Variants in DLG2 observed in about 807,000 individuals in gnomAD.
The protein encoded by DLG2 is disks large homolog 2.
DLG2 carries 45 observed loss-of-function variants against 132.5 expected under a neutral mutation model. The ratio of observed to expected loss-of-function variants is 0.34; its 90% CI spans 0.27 to 0.44. DLG2 has a LOEUF of 0.44. Among genes scored for constraint, DLG2 ranks in the 20% least tolerant of loss-of-function variants. The pLI is 1.00. For synonymous variants in DLG2, 424 were observed against 419.6 expected (o/e 1.01, Z -0.13); for missense variants, 1,045 against 1,196.9 (o/e 0.87, Z 1.87).
intron 6 of DLG2, among the ~76,000 whole-genome samples, chr11:85,037,507 G>T (rs959681217): frequency 2.0e-5 from 3 of 152,136 alleles, no homozygotes; most frequent in African/African-American, 4.8e-5. Context: ...ATAAATATGA[G>T]CATATCCTCA....
chr11:83,480,799 G>A, intron 22 of DLG2: 2 of 583,442 alleles, frequency 3.4e-6, no homozygotes, highest in Middle Eastern at 4.5e-4. Context: ...GACGCTTCTG[G>A]TGTGTAGGCA....
At chr11:84,768,304 T>C (rs1172155348) in intron 6 of DLG2, among the ~76,000 whole-genome samples, 7 of 152,332 alleles carry the variant, frequency 4.6e-5, no homozygotes, top group African/African-American at 9.6e-5. Context: ...TATGCTTATT[T>C]TGAGTCATTT....
chr11:84,614,265 G>T (rs917176259), intron 6 of DLG2, among the ~76,000 whole-genome samples: 10 of 152,160 alleles, frequency 6.6e-5, no homozygotes, highest in Admixed American at 1.3e-4. Flanking sequence ...TTGGGAAAAT[G>T]AGTATCTTTA....
rs536963551 is a variant in DLG2, at chr11:83,917,270, C to T, written c.1496+13058G>A. ...GTTTCTTTTCAATCTTCTAAGTTTGCTGAATAGTTTTTGTTTTATTACCTT... is the reference window on the plus strand; with the variant it reads ...GTTTCTTTTCAATCTTCTAAGTTTGTTGAATAGTTTTTGTTTTATTACCTT... On this transcript the variant is annotated intron_variant, in intron 15 of 27. Coordinates refer to ENST00000376104, the MANE Select transcript of DLG2 (RefSeq NM_001142699.3). 2.5e-4 allele frequency among the ~76,000 whole-genome samples: 38 copies of T among 152,182 alleles called. 1 individual carries two copies. Among genetic ancestry groups the T allele is most frequent in the Admixed American group, 2.2e-3 (33 of 15,286 alleles).
intron 10 of DLG2, among the ~76,000 whole-genome samples, chr11:84,077,352 G>A (rs965494637): frequency 1.1e-4 from 17 of 152,148 alleles, no homozygotes; most frequent in Non-Finnish European, 2.4e-4. Context: ...CAAATCTAAT[G>A]AGATCTCGTT....
At chr11:83,752,803 G>T (rs776146669) in intron 18 of DLG2, among the ~76,000 whole-genome samples, 2 of 152,156 alleles carry the variant, frequency 1.3e-5, no homozygotes, top group Non-Finnish European at 2.9e-5. Flanking sequence ...ATATGAGAAC[G>T]AAGAAGGCAT....
Position 85,186,570 on chromosome 11 carries a change from C to T in DLG2, c.187-31919G>A, listed in dbSNP as rs564447171. On this transcript the variant is annotated intron_variant, in intron 4 of 27. Transcript: ENST00000376104. The stretch of plus-strand genomic sequence containing the variant: ...TGTATTTATAGAATGACCCAATTTA[C>T]CTTTATGGAACTTTTAACAGTTTGT... Among the ~76,000 whole-genome samples the T allele has an allele frequency of 4.6e-5, 7 of 152,124 alleles. No homozygotes were observed. In the East Asian group the frequency reaches 1.2e-3, roughly 25 times the overall value.
intron 18 of DLG2, among the ~76,000 whole-genome samples, chr11:83,680,623 A>G (rs2078619029): frequency 6.6e-6 from 1 of 152,214 alleles, no homozygotes; most frequent in African/African-American, 2.4e-5. Flanking sequence ...GCCAACCACA[A>G]TACATCACTC....
intron 19 of DLG2, among the ~76,000 whole-genome samples, chr11:83,595,138 A>C (rs1203050421): frequency 2.6e-5 from 4 of 152,210 alleles, no homozygotes; most frequent in South Asian, 2.1e-4. Context: ...GGGAAAAAAA[A>C]ACCACTTCTT....
At chr11:85,372,713 T>C (rs1416549307) in intron 3 of DLG2, among the ~76,000 whole-genome samples, 1 of 152,242 alleles carries the variant, frequency 6.6e-6, no homozygotes, top group Non-Finnish European at 1.5e-5. Flanking sequence ...ATTCCTATTC[T>C]CTAGGCCCTC....
chr11:85,404,007 C>A (rs561091300), intron 3 of DLG2, among the ~76,000 whole-genome samples: 1 of 152,120 alleles, frequency 6.6e-6, no homozygotes, highest in East Asian at 1.9e-4. Flanking sequence ...CTAACTTGCA[C>A]ATTTTAAGTT....
At chr11:85,073,467 C>T (rs908354809) in intron 6 of DLG2, among the ~76,000 whole-genome samples, 1 of 151,714 alleles carries the variant, frequency 6.6e-6, no homozygotes, top group Admixed American at 6.6e-5. Flanking sequence ...TAAATTCAGG[C>T]AAAACTCTTA....
intron 6 of DLG2, among the ~76,000 whole-genome samples, chr11:84,730,648 T>C (rs781097946): frequency 1.3e-5 from 2 of 152,048 alleles, no homozygotes; most frequent in African/African-American, 2.4e-5. Flanking sequence ...TCATTTTAAA[T>C]GGCTTTATAT....
At chr11:84,091,514 C>A (rs1249127274) in intron 10 of DLG2, among the ~76,000 whole-genome samples, 4 of 152,164 alleles carry the variant, frequency 2.6e-5, no homozygotes, top group African/African-American at 7.2e-5. Context: ...AATCATGAGG[C>A]CTGATCAGTG....
At chr11:84,790,260 CT>C (rs2073617016) in intron 6 of DLG2, among the ~76,000 whole-genome samples, 1 of 152,060 alleles carries the variant, frequency 6.6e-6, no homozygotes, top group African/African-American at 2.4e-5. Flanking sequence ...TATTGCCTGC[CT>C]TTTGGATAAA....
chr11:84,155,895 G>A (rs796212354), intron 9 of DLG2, among the ~76,000 whole-genome samples: 1 of 152,082 alleles, frequency 6.6e-6, no homozygotes, highest in African/African-American at 2.4e-5. Flanking sequence ...AAGAGCCTCT[G>A]GAGAAATTTT....
chr11:83,967,533 C>G (rs1256668806), intron 12 of DLG2, among the ~76,000 whole-genome samples: 1 of 152,086 alleles, frequency 6.6e-6, no homozygotes, highest in African/African-American at 2.4e-5. Context: ...TTTGCATCTT[C>G]TTTGGAGAAA....
rs1263534634 is a variant in DLG2 at position 84,880,549 on chromosome 11, T to A, written c.357+231112A>T. On this transcript the variant is annotated intron_variant, in intron 6 of 27. Coordinates refer to ENST00000376104, the MANE Select transcript of DLG2 (RefSeq NM_001142699.3). Reference sequence around the variant, plus strand: ...ATAAAATAATTAAAAGATAAATATATGGCCTTGCAGATGCTTATGCTACAG... The same window carrying A: ...ATAAAATAATTAAAAGATAAATATAAGGCCTTGCAGATGCTTATGCTACAG... Among the ~76,000 whole-genome samples the A allele has an allele frequency of 2.0e-5, 3 of 152,270 alleles. No individual in the cohort carries two copies. The East Asian group carries it at 5.8e-4, about 29-fold the overall frequency.
intron 6 of DLG2, among the ~76,000 whole-genome samples, chr11:84,799,562 C>G (rs7107842): frequency 0.44 from 66,607 of 152,068 alleles, 15,550 homozygotes; most frequent in African/African-American, 0.56. Flanking sequence ...GTTCCTCTTA[C>G]GAGGACAATC....
Sources: gnomAD v4.1 joint callset for allele counts (sites outside exome capture counted in the v4.1 genomes callset) on GRCh38, gnomAD v4.1.1 for gene constraint, MANE v1.5 for transcripts, NCBI Gene and HGNC (gene_info 2026-07-23, HGNC 2026-07-21) for gene names.